PIK3C2G: variants seen among roughly 807,000 people sequenced by gnomAD.
PIK3C2G encodes phosphatidylinositol-4-phosphate 3-kinase catalytic subunit type 2 gamma.
PIK3C2G carries 168 observed loss-of-function variants against 181.1 expected under a neutral mutation model. The observed-to-expected ratio is 0.93, with a 90% CI of 0.82 to 1.05. The LOEUF (loss-of-function observed/expected upper bound fraction) is 1.05, where lower values mean the gene tolerates loss of function less well. Ranked by LOEUF, PIK3C2G falls within the 50% of genes least tolerant of loss-of-function variation. The pLI is 0.00. For missense variants in PIK3C2G, 1,869 were observed against 1,732.8 expected (o/e 1.08, Z -1.40); for synonymous variants, 573 against 592.2 (o/e 0.97, Z 0.47).
chr12:18,410,510 GAAAAA>G (rs1184793762), intron 16 of PIK3C2G, among the ~76,000 whole-genome samples: 2 of 85,416 alleles, frequency 2.3e-5, no homozygotes, highest in Non-Finnish European at 2.6e-5. Flanking sequence ...ATCTCAGAAA[GAAAAA>G]AAAAAAAAAA....
chr12:18,669,429 A>G, the PIK3C2G span, among the ~76,000 whole-genome samples: 3 of 152,208 alleles, frequency 2.0e-5, no homozygotes, highest in Non-Finnish European at 4.4e-5. Flanking sequence ...AATCTAATTC[A>G]TATTATCAGT....
the PIK3C2G span, among the ~76,000 whole-genome samples, chr12:18,654,351 A>G: frequency 6.6e-6 from 1 of 151,998 alleles, no homozygotes; most frequent in Non-Finnish European, 1.5e-5. Context: ...GAGAGCAGAT[A>G]TAATGATTTC....
intron 31 of PIK3C2G, among the ~76,000 whole-genome samples, chr12:18,628,461 G>C (rs1949199060): frequency 6.6e-6 from 1 of 152,104 alleles, no homozygotes; most frequent in South Asian, 2.1e-4. Flanking sequence ...AACAATAGTA[G>C]CATTGAAAGC....
At chr12:18,337,523 G>T (rs1355604736) in intron 8 of PIK3C2G, among the ~76,000 whole-genome samples, 1 of 152,160 alleles carries the variant, frequency 6.6e-6, no homozygotes, top group Non-Finnish European at 1.5e-5. Context: ...AATACAAGAA[G>T]TGTGGTGCCA....
At chr12:18,398,861 C>A (rs11044074) in intron 15 of PIK3C2G, among the ~76,000 whole-genome samples, 1 of 152,028 alleles carries the variant, frequency 6.6e-6, no homozygotes, top group Non-Finnish European at 1.5e-5. Context: ...TTCTTAACTC[C>A]GATAAAACTT....
chr12:18,509,021 ATATTAT>A (rs879297181), intron 24 of PIK3C2G, among the ~76,000 whole-genome samples: 2 of 151,792 alleles, frequency 1.3e-5, no homozygotes, highest in Non-Finnish European at 2.9e-5. Flanking sequence ...GGTTTACACA[ATATTAT>A]TATTATTATT....
chr12:18,388,241 C>T (rs2138024942), intron 14 of PIK3C2G, among the ~76,000 whole-genome samples: 1 of 152,134 alleles, frequency 6.6e-6, no homozygotes, highest in Middle Eastern at 3.4e-3. Context: ...CAATAGAACT[C>T]ATGGTCTAAC....
chr12:18,545,505 T>G (rs1944375425), intron 25 of PIK3C2G, among the ~76,000 whole-genome samples: 1 of 151,452 alleles, frequency 6.6e-6, no homozygotes, highest in Admixed American at 6.6e-5. Flanking sequence ...GATAACAGTC[T>G]TCATTTTTTT....
At chr12:18,260,926 A>C (rs7974558), upstream of PIK3C2G, among the ~76,000 whole-genome samples, 1,166 of 152,240 alleles carry the variant, frequency 7.7e-3, 10 homozygotes, top group African/African-American at 0.027. Flanking sequence ...CTAATCTTAT[A>C]AATATTGTTT....
intron 18 of PIK3C2G, among the ~76,000 whole-genome samples, chr12:18,482,617 G>A (rs1939669145): frequency 6.6e-6 from 1 of 151,966 alleles, no homozygotes; most frequent in Non-Finnish European, 1.5e-5. Flanking sequence ...TTGCTTCTTT[G>A]CCCCCCCTTT....
chr12:18,526,631 T>C (rs1943250132), intron 24 of PIK3C2G, among the ~76,000 whole-genome samples: 1 of 152,142 alleles, frequency 6.6e-6, no homozygotes, highest in South Asian at 2.1e-4. Flanking sequence ...GTTTTTTGTT[T>C]GTTGTTTGTT....
chr12:18,573,793 C>T (rs1246478519), intron 29 of PIK3C2G, among the ~76,000 whole-genome samples: 4 of 152,174 alleles, frequency 2.6e-5, no homozygotes, highest in African/African-American at 4.8e-5. Flanking sequence ...TGCTCTACTA[C>T]AGCCATTCTC....
At chr12:18,540,528 T>A (rs930906683) in intron 25 of PIK3C2G, among the ~76,000 whole-genome samples, 19 of 151,886 alleles carry the variant, frequency 1.3e-4, no homozygotes, top group African/African-American at 4.1e-4. Flanking sequence ...AACAAAGCAT[T>A]CAGCATAAGA....
At chr12:18,412,980 T>C (rs78604988) in intron 16 of PIK3C2G, among the ~76,000 whole-genome samples, 3,879 of 152,272 alleles carry the variant, frequency 0.025, 143 homozygotes, top group African/African-American at 0.084. Flanking sequence ...TGCTATTTCA[T>C]TGAAGTTCCT....
chr12:18,379,167 T>G (rs1020940967), intron 13 of PIK3C2G, among the ~76,000 whole-genome samples: 2 of 151,966 alleles, frequency 1.3e-5, no homozygotes, highest in Non-Finnish European at 1.5e-5. Context: ...ATATACACCA[T>G]GGAATACTAT....
rs189469567 is a variant in PIK3C2G at position 18,467,404 on chromosome 12, A to G, written c.2505-21045A>G. ...TTCTTTTTTCAAATTTTTATCTACA[A>G]TTGGTTTCCCTCTTGGTACTTGGAA... On this transcript the variant is annotated intron_variant, in intron 18 of 32. Coordinates refer to ENST00000538779, the MANE Select transcript of PIK3C2G (RefSeq NM_001288772.2). 2.4e-3 allele frequency among the ~76,000 whole-genome samples: 366 copies of G among 151,956 alleles called. 2 individuals are homozygous for G. The highest frequency in any genetic ancestry group is 4.0e-3 in the Non-Finnish European group (270 of 67,900).
intron 5 of PIK3C2G, among the ~76,000 whole-genome samples, chr12:18,311,341 A>G (rs1242244999): frequency 6.6e-6 from 1 of 152,108 alleles, no homozygotes; most frequent in Non-Finnish European, 1.5e-5. Context: ...TCAAAGTCAT[A>G]AATATTTTTA....
intron 29 of PIK3C2G, among the ~76,000 whole-genome samples, chr12:18,574,656 A>G (rs527709441): frequency 2.6e-5 from 4 of 152,314 alleles, no homozygotes; most frequent in African/African-American, 7.2e-5. Context: ...TTGACTTAAG[A>G]GACATATATA....
At chr12:18,380,393 C>A (rs931981054) in intron 13 of PIK3C2G, among the ~76,000 whole-genome samples, 1 of 152,298 alleles carries the variant, frequency 6.6e-6, no homozygotes, top group Admixed American at 6.5e-5. Flanking sequence ...CCAAGTTTGG[C>A]ATTGGACATG....
Sources: gnomAD v4.1 joint callset for allele counts (sites outside exome capture counted in the v4.1 genomes callset) on GRCh38, gnomAD v4.1.1 for gene constraint, MANE v1.5 for transcripts, NCBI Gene and HGNC (gene_info 2026-07-23, HGNC 2026-07-21) for gene names.